Variants in SUFU observed in about 807,000 individuals in gnomAD.
SUFU encodes the protein suppressor of fused homolog.
Under a neutral mutation model 58.9 loss-of-function variants are expected in SUFU, and 7 were observed. The observed-to-expected ratio is 0.12, with a 90% CI of 0.07 to 0.22. The LOEUF is 0.22. Among genes scored for constraint, SUFU ranks in the 10% least tolerant of loss-of-function variants. SUFU has a pLI of 1.00. For synonymous variants in SUFU, 232 were observed against 254.8 expected (o/e 0.91, Z 0.85); for missense variants, 451 against 641.3 (o/e 0.70, Z 3.20).
At chr10:102,599,606 C>G in intron 8 of SUFU, 62 bp downstream of exon 8, 1 of 1,379,868 alleles carries the variant, frequency 7.2e-7, no homozygotes, top group Non-Finnish European at 1.0e-6. Context: ...AGGGCCTGTC[C>G]CTGTGGATTG....
At chr10:102,522,714 T>G (rs2062564500) in intron 2 of SUFU, among the ~76,000 whole-genome samples, 2 of 152,088 alleles carry the variant, frequency 1.3e-5, no homozygotes, top group South Asian at 4.1e-4. Flanking sequence ...TAGCACTGGG[T>G]TGTGGGTAAG....
chr10:102,571,332 G>A lies in SUFU; in HGVS notation c.454+21226G>A, dbSNP rs1433853184. Among the ~76,000 whole-genome samples the A allele has an allele frequency of 2.0e-5, 3 of 152,108 alleles. No individual in the cohort carries two copies. In the East Asian group the frequency reaches 5.8e-4, roughly 29 times the overall value. On this transcript the variant is annotated intron_variant, in intron 3 of 11. Transcript: ENST00000369902. ...TAATTTATCTTTTTTTGGGTTGCTG[G>A]GGATGAGGCCAACCAAAATTCTCTC...
chr10:102,513,748 T>C (rs1444619507), intron 2 of SUFU, among the ~76,000 whole-genome samples: 2 of 152,206 alleles, frequency 1.3e-5, no homozygotes, highest in East Asian at 3.8e-4. Flanking sequence ...CTTTTAGGAG[T>C]GAGAGGGACT....
At chr10:102,586,578 C>T (rs1227842494) in intron 3 of SUFU, among the ~76,000 whole-genome samples, 1 of 152,090 alleles carries the variant, frequency 6.6e-6, no homozygotes, top group African/African-American at 2.4e-5. Flanking sequence ...GAGGCTGAGG[C>T]AGGAGAATGG....
At chr10:102,519,029 T>C (rs2062511076) in intron 2 of SUFU, among the ~76,000 whole-genome samples, 1 of 149,478 alleles carries the variant, frequency 6.7e-6, no homozygotes, top group Non-Finnish European at 1.5e-5. Context: ...TAGTCCCAGC[T>C]AGGCGGGAGG....
chr10:102,555,176 G>A (rs1029233562), intron 3 of SUFU, among the ~76,000 whole-genome samples: 21 of 150,378 alleles, frequency 1.4e-4, no homozygotes. Context: ...GCTGAGGCAG[G>A]AGAATGGCAT....
intron 10 of SUFU, among the ~76,000 whole-genome samples, chr10:102,622,610 C>T (rs966065072): frequency 4.0e-5 from 6 of 151,098 alleles, no homozygotes; most frequent in African/African-American, 7.3e-5. Flanking sequence ...GGCATGGCGG[C>T]GGGCGCCTGT....
At chr10:102,550,382 C>T (rs1018007719) in intron 3 of SUFU, among the ~76,000 whole-genome samples, 4 of 152,188 alleles carry the variant, frequency 2.6e-5, no homozygotes, top group African/African-American at 9.7e-5. Context: ...TGGAGGGTTT[C>T]TTTCATGTCA....
At position 102,544,170 on chromosome 10, in the gene SUFU, G is replaced by A. The variant is rs541640277; in HGVS notation, c.318-5800G>A. Among the ~76,000 whole-genome samples the A allele has an allele frequency of 3.4e-3, 510 of 152,198 alleles. 5 individuals carry two copies. Among genetic ancestry groups the A allele is most frequent in the African/African-American group, 0.012 (480 of 41,530 alleles). ...CTCTATCACTTGTTCTGTGATTTAT[G>A]GACTATTACACAAACTCCATCAGTG... On this transcript the variant is annotated intron_variant, in intron 2 of 11. Coordinates refer to ENST00000369902, the MANE Select transcript of SUFU (RefSeq NM_016169.4).
intron 7 of SUFU, among the ~76,000 whole-genome samples, chr10:102,597,645 C>T (rs2063476945): frequency 6.6e-6 from 1 of 152,226 alleles, no homozygotes; most frequent in African/African-American, 2.4e-5. Context: ...TGTCGGCCAC[C>T]CACGGAATTG....
intron 3 of SUFU, among the ~76,000 whole-genome samples, chr10:102,552,901 T>C (rs1773374489): frequency 6.6e-6 from 1 of 152,262 alleles, no homozygotes; most frequent in African/African-American, 2.4e-5. Flanking sequence ...GTATCATTCT[T>C]TTAACTTTTC....
chr10:102,568,742 C>T (rs1311708330), intron 3 of SUFU, among the ~76,000 whole-genome samples: 12 of 150,648 alleles, frequency 8.0e-5, no homozygotes, highest in African/African-American at 9.8e-5. Flanking sequence ...GGTGAGGTGG[C>T]GGGCGCCTGT....
rs572519159 is a variant in SUFU at position 102,630,732 on chromosome 10, A to T, written c.*577A>T. 1 of 256,060 alleles carries T rather than the reference A, an allele frequency of 3.9e-6. No individual in the cohort carries two copies. The highest frequency in any genetic ancestry group is 4.8e-5 in the Admixed American group (1 of 20,958). 15.9% of individuals were successfully genotyped at this position (256,060 alleles called of 1,614,324 possible). ...AGAAGCCATGTATATAATGTTTTTTAAACAGAACTTCATTCCCCGTTGAAC... is the reference window on the plus strand; with the variant it reads ...AGAAGCCATGTATATAATGTTTTTTTAACAGAACTTCATTCCCCGTTGAAC... On this transcript the variant is annotated 3_prime_UTR_variant, in exon 12 of 12. Coordinates refer to ENST00000369902, the MANE Select transcript of SUFU (RefSeq NM_016169.4).
At position 102,619,401 on chromosome 10, in the gene SUFU, G is replaced by C; in HGVS notation, c.1296+1973G>C. The C allele has an allele frequency of 7.3e-7, 1 of 1,375,960 alleles. No homozygotes were observed. The highest frequency in any genetic ancestry group is 9.4e-7 in the Non-Finnish European group (1 of 1,063,178). The allele number at this position is 1,375,960 out of a possible 1,614,324, so 85.2% of individuals were successfully genotyped here. ...GCTGTTGCCCAGGGAACCGGGGCGC[G>C]GTGGGAACGAGCTGCTGGCCTCGGC... On this transcript the variant is annotated intron_variant, in intron 10 of 11. Coordinates refer to ENST00000369902, the MANE Select transcript of SUFU (RefSeq NM_016169.4). This position sits in a 1 kb window ranked among gnomAD's most constrained non-coding sequence, Gnocchi z 4.2.
At chr10:102,622,823 GAAA>G (rs59430798) in intron 10 of SUFU, among the ~76,000 whole-genome samples, 79 of 124,540 alleles carry the variant, frequency 6.3e-4, no homozygotes, top group African/African-American at 1.0e-3. Flanking sequence ...CGTCTCAGAA[GAAA>G]AAAAAAAAAA....
rs148160011 is a variant in SUFU, at chr10:102,599,447, C to T, written c.925C>T (p.Arg309Trp). The T allele has an allele frequency of 1.3e-4, 213 of 1,613,946 alleles. No individual in the cohort carries two copies. Among genetic ancestry groups the T allele is most frequent in the Middle Eastern group, 1.6e-4 (1 of 6,084 alleles). ...RLSGKDTEQIRETLRRGLEIN... is the reference protein window; with the variant it reads ...RLSGKDTEQIWETLRRGLEIN... ...TGTCGTTGCAGACACAGAGCAGATC[C>T]GGGAGACCCTGAGGAGAGGACTCGA... Residue 309 changes from arginine to tryptophan, a missense_variant, in exon 8 of 12, where the codon CGG becomes TGG. Transcript: ENST00000369902.
At chr10:102,593,512 T>A (rs944348280) in intron 4 of SUFU, 124 bp from the exon 5 acceptor site, 3 of 969,838 alleles carry the variant, frequency 3.1e-6, no homozygotes, top group South Asian at 1.3e-5. Context: ...CTGCACCAGC[T>A]CCTGAGCACA....
At chr10:102,594,663 G>A (rs2135874200) in intron 6 of SUFU, among the ~76,000 whole-genome samples, 1 of 152,314 alleles carries the variant, frequency 6.6e-6, no homozygotes, top group South Asian at 2.1e-4. Flanking sequence ...CATCTTTGCT[G>A]TTTTAGAAGC....
chr10:102,597,546 C>T (rs2063475898), intron 7 of SUFU, among the ~76,000 whole-genome samples: 1 of 152,200 alleles, frequency 6.6e-6, no homozygotes, highest in South Asian at 2.1e-4. Flanking sequence ...TTTAGATATG[C>T]CCTTTGCAAT....
Sources: gnomAD v4.1 joint callset for allele counts (sites outside exome capture counted in the v4.1 genomes callset) on GRCh38, gnomAD v4.1.1 for gene constraint, Gnocchi (gnomAD v3.1) non-coding constraint, MANE v1.5 for transcripts, NCBI Gene and HGNC (gene_info 2026-07-23, HGNC 2026-07-21) for gene names.